Variants in FBXL8 observed in about 807,000 individuals in gnomAD.
FBXL8 encodes F-box/LRR-repeat protein 8.
A neutral mutation model predicts 8.2 loss-of-function variants in FBXL8; 13 were observed. The ratio of observed to expected loss-of-function variants is 1.58; its 90% CI spans 1.03 to 2.51. FBXL8 has a LOEUF of 2.51. FBXL8 is among the 30% of genes most tolerant of loss of function. The pLI, the probability that FBXL8 is intolerant of heterozygous loss-of-function variation, is 0.00. For synonymous variants in FBXL8, 271 were observed against 260.5 expected (o/e 1.04, Z -0.39); for missense variants, 565 against 540.4 (o/e 1.05, Z -0.45).
rs150449492 is a variant in FBXL8 at position 67,161,843 on chromosome 16, C to T, written c.58C>T (p.Leu20=). 23 of 1,610,818 alleles carry T rather than the reference C, an allele frequency of 1.4e-5. No homozygotes were observed. The highest frequency in any genetic ancestry group is 1.8e-5 in the Non-Finnish European group (21 of 1,178,890). Residue 20 remains leucine, a synonymous_variant, in exon 2 of 3, where the codon CTG becomes TTG. Transcript: ENST00000258200. ...GGTGCTGGCACTCATCTTCCGCCAC[C>T]TGTCCCTGAGAGACCGTGCTGCCGC... is the stretch of plus-strand genomic sequence containing the variant. ...EEVLALIFRH[L]SLRDRAAAAR...
rs546108799 is a variant in FBXL8, at chr16:67,161,690, A to G, written c.-51-45A>G. 18 of 1,417,594 alleles carry G rather than the reference A, an allele frequency of 1.3e-5. No homozygotes were observed. The South Asian group carries it at 1.3e-4, about 11-fold the overall frequency. 87.8% of individuals were successfully genotyped at this position (1,417,594 alleles called of 1,614,324 possible). The stretch of plus-strand genomic sequence containing the variant: ...TACACCTAAGCTCGGTCTTCCTGCA[A>G]CACTTTGCGCCTTCCCGACCTCAGA... On this transcript the variant is annotated intron_variant, in intron 1 of 2. Transcript: ENST00000258200.
rs2031035784 is a variant in FBXL8, at chr16:67,163,750, C to T, written c.1055C>T (p.Pro352Leu). The change falls in exon 3 of 3, where the codon CCG becomes CTG. Residue 352 changes from proline (P) to leucine (L), a missense_variant. Coordinates refer to ENST00000258200, the MANE Select transcript of FBXL8 (RefSeq NM_018378.3). ...CTGGACGCCTTCCGCGCGCACTGCC[C>T]GCGCCTGCGCACCTATACCCTCAAG... ...SVLDAFRAHCPRLRTYTLKLT... is the reference protein window; with the variant it reads ...SVLDAFRAHCLRLRTYTLKLT... 1 of 1,593,562 alleles carries T rather than the reference C, an allele frequency of 6.3e-7. No homozygotes were observed. The highest frequency in any genetic ancestry group is 8.5e-7 in the Non-Finnish European group (1 of 1,177,648).
Position 67,163,024 on chromosome 16 carries a change from G to A in FBXL8, c.329G>A (p.Cys110Tyr). 6.4e-7 allele frequency: 1 copy of A among 1,558,214 alleles called. No homozygotes were observed. The highest frequency in any genetic ancestry group is 8.7e-7 in the Non-Finnish European group (1 of 1,150,982). Residue 110 changes from cysteine (C) to tyrosine (Y), a missense_variant, in exon 3 of 3, where the codon TGC becomes TAC. Coordinates refer to ENST00000258200, the MANE Select transcript of FBXL8 (RefSeq NM_018378.3). ...GGGCTGCGAGGCCTGCGCCTGGAGT[G>A]CCGCGGAGAAAAACCGCTCTTCGAC... is the stretch of plus-strand genomic sequence containing the variant. ...APGLRGLRLE[C>Y]RGEKPLFDAG...
At position 67,164,105 on chromosome 16, in the gene FBXL8, C is replaced by A. The variant is rs1458161036; in HGVS notation, c.*285C>A. On this transcript the variant is annotated 3_prime_UTR_variant, in exon 3 of 3. Transcript: ENST00000258200. ...ACTCTGCAGCTCCGCGGCCCCGGCG[C>A]AGGGAGAGGGAGGGCACGGGCGCGG... 4 of 681,166 alleles carry A rather than the reference C, an allele frequency of 5.9e-6. No homozygotes were observed. Among genetic ancestry groups the A allele is most frequent in the Non-Finnish European group, 1.1e-5 (4 of 373,540 alleles). The allele number at this position is 681,166 out of a possible 1,614,324, so 42.2% of individuals were successfully genotyped here.
rs1212349654 is a variant in FBXL8, at chr16:67,163,416, G to T, written c.721G>T (p.Ala241Ser). The T allele has an allele frequency of 1.3e-6, 2 of 1,537,010 alleles. No homozygotes were observed. The highest frequency in any genetic ancestry group is 1.4e-5 in the African/African-American group (1 of 72,890). Residue 241 changes from alanine (A) to serine (S), a missense_variant, in exon 3 of 3, where the codon GCC (alanine) becomes TCC (serine). Transcript: ENST00000258200. The stretch of plus-strand genomic sequence containing the variant: ...ACGCGCGTCCCCGCTGCCCAACGAA[G>T]CCTGGGTCGCGTTGCGCCGCCGCCA... ...DARASPLPNEAWVALRRRHPG... is the reference protein window; with the variant it reads ...DARASPLPNESWVALRRRHPG...
Position 67,164,095 on chromosome 16 carries a change from G to A in FBXL8, c.*275G>A, listed in dbSNP as rs1282851246. 2.9e-6 allele frequency: 2 copies of A among 685,624 alleles called. No homozygotes were observed. The highest frequency in any genetic ancestry group is 3.5e-5 in the African/African-American group (2 of 56,784). 42.5% of individuals were successfully genotyped at this position (685,624 alleles called of 1,614,324 possible). On this transcript the variant is annotated 3_prime_UTR_variant, in exon 3 of 3. Coordinates refer to ENST00000258200, the MANE Select transcript of FBXL8 (RefSeq NM_018378.3). ...CCCTCTGCGGACTCTGCAGCTCCGC[G>A]GCCCCGGCGCAGGGAGAGGGAGGGC...
rs1387976019 is a variant in FBXL8 at position 67,163,420 on chromosome 16, G to A, written c.725G>A (p.Trp242Ter). ...ARASPLPNEA[W>*]VALRRRHPGL... Reference sequence around the variant, plus strand: ...GCGTCCCCGCTGCCCAACGAAGCCTGGGTCGCGTTGCGCCGCCGCCACCCT... The same window carrying A: ...GCGTCCCCGCTGCCCAACGAAGCCTAGGTCGCGTTGCGCCGCCGCCACCCT... Residue 242 changes from tryptophan to a stop codon, truncating the protein, a stop_gained, in exon 3 of 3, where the codon TGG becomes TAG. Transcript: ENST00000258200. LOFTEE classifies it low-confidence loss of function (END_TRUNC). The A allele has an allele frequency of 1.3e-6, 2 of 1,536,704 alleles. No homozygotes were observed. The highest frequency in any genetic ancestry group is 2.4e-5 in the East Asian group (1 of 40,864).
In FBXL8 at chr16:67,163,968, G is replaced by A; in HGVS notation, c.*148G>A. 1 of 1,261,652 alleles carries A rather than the reference G, an allele frequency of 7.9e-7. No individual in the cohort carries two copies. Among genetic ancestry groups the A allele is most frequent in the East Asian group, 2.5e-5 (1 of 39,650 alleles). The allele number at this position is 1,261,652 out of a possible 1,614,324, so 78.2% of individuals were successfully genotyped here. ...CCGAGTTGGGAACTGTGATGGCATC[G>A]GGACCAGTCCTGGGCGCCCTGAGAC... On this transcript the variant is annotated 3_prime_UTR_variant, in exon 3 of 3. Transcript: ENST00000258200.
At position 67,163,662 on chromosome 16, in the gene FBXL8, C is replaced by A; in HGVS notation, c.967C>A (p.Leu323Met). Reference sequence around the variant, plus strand: ...CGAGCTGAACGCCGCGCTGGAGGAGCTGGCGGCGCGCTGCGCGGCCCTGCG... The same window carrying A: ...CGAGCTGAACGCCGCGCTGGAGGAGATGGCGGCGCGCTGCGCGGCCCTGCG... ...SAELNAALEELAARCAALREV... is the reference protein window; with the variant it reads ...SAELNAALEEMAARCAALREV... Residue 323 changes from leucine (L) to methionine (M), a missense_variant, in exon 3 of 3, where the codon CTG becomes ATG. Coordinates refer to ENST00000258200, the MANE Select transcript of FBXL8 (RefSeq NM_018378.3). 1.1e-5 allele frequency: 18 copies of A among 1,573,152 alleles called. No homozygotes were observed. Among genetic ancestry groups the A allele is most frequent in the Non-Finnish European group, 1.5e-5 (18 of 1,167,830 alleles).
At chr16:67,161,368 G>T (rs1460274594) in intron 1 of FBXL8, 1 of 164,932 alleles carries the variant, frequency 6.1e-6, no homozygotes, top group Non-Finnish European at 1.3e-5. Context: ...GCTTGAGCCC[G>T]GGAGACTGAG....
At chr16:67,161,568 G>C in intron 1 of FBXL8, 167 bp from the exon 2 acceptor site, 1 of 478,112 alleles carries the variant, frequency 2.1e-6, no homozygotes, top group Non-Finnish European at 3.6e-6. Context: ...GATTTAGTAG[G>C]TGAGGCGGTG....
chr16:67,162,835 G>T lies in FBXL8; in HGVS notation c.153-13G>T, dbSNP rs1194778753. On this transcript the variant is annotated splice_polypyrimidine_tract_variant and intron_variant, in intron 2 of 2. Coordinates refer to ENST00000258200, the MANE Select transcript of FBXL8 (RefSeq NM_018378.3). ...ACTCAGCTGAGGCCTTTTCTGCACG[G>T]CTCTAACCCAAGTTGCGAATGTGAG... 6.4e-7 allele frequency: 1 copy of T among 1,550,626 alleles called. No individual in the cohort carries two copies. The highest frequency in any genetic ancestry group is 8.7e-7 in the Non-Finnish European group (1 of 1,146,946).
Position 67,163,001 on chromosome 16 carries a change from G to GCTGCGAGGA in FBXL8, c.314_315insACTGCGAGG (p.Gly105_Arg107dup). The stretch of plus-strand genomic sequence containing the variant: ...TGGTTCTGGCGGGCCGTGCCCCGGG[G>GCTGCGAGGA]CTGCGAGGCCTGCGCCTGGAGTGCC... On this transcript the variant is annotated inframe_insertion, in exon 3 of 3. Transcript: ENST00000258200. 6.4e-7 allele frequency: 1 copy of GCTGCGAGGA among 1,555,602 alleles called. No individual in the cohort carries two copies. The highest frequency in any genetic ancestry group is 8.7e-7 in the Non-Finnish European group (1 of 1,149,774).
chr16:67,162,010 T>C, intron 2 of FBXL8, 73 bp downstream of exon 2: 1 of 1,455,818 alleles, frequency 6.9e-7, no homozygotes, highest in Non-Finnish European at 9.1e-7. Flanking sequence ...GCTAGGTAGA[T>C]ATTCAGGTTG....
At chr16:67,162,086 T>A (rs1420140658) in intron 2 of FBXL8, 149 bp downstream of exon 2, 1 of 1,122,832 alleles carries the variant, frequency 8.9e-7, no homozygotes, top group South Asian at 1.8e-5. Flanking sequence ...TCCCAGCACT[T>A]TGGCAGGCCG....
At chr16:67,162,101 G>A in intron 2 of FBXL8, 164 bp downstream of exon 2, 6 of 921,550 alleles carry the variant, frequency 6.5e-6, no homozygotes, top group Non-Finnish European at 9.2e-6. Context: ...AGGCCGAGGC[G>A]GGTGGATCAC....
rs955544836 is a variant in FBXL8 at position 67,163,441 on chromosome 16, A to C, written c.746A>C (p.His249Pro). 1.3e-6 allele frequency: 2 copies of C among 1,535,670 alleles called. No individual in the cohort carries two copies. The highest frequency in any genetic ancestry group is 2.8e-5 in the African/African-American group (2 of 72,708). ...NEAWVALRRR[H>P]PGLAVELELE... Reference sequence around the variant, plus strand: ...GCCTGGGTCGCGTTGCGCCGCCGCCACCCTGGGCTGGCAGTGGAGCTGGAG... The same window carrying C: ...GCCTGGGTCGCGTTGCGCCGCCGCCCCCCTGGGCTGGCAGTGGAGCTGGAG... Residue 249 changes from histidine (H) to proline (P), a missense_variant, in exon 3 of 3, where the codon CAC becomes CCC. Physicochemically the swap from His to Pro is moderately conservative, Grantham distance 77 (BLOSUM62 -2). Transcript: ENST00000258200.
chr16:67,161,445 A>G (rs1597232502), intron 1 of FBXL8, among the ~76,000 whole-genome samples: 2 of 147,410 alleles, frequency 1.4e-5, no homozygotes, highest in East Asian at 1.9e-4. Context: ...CTGTCTCAAA[A>G]AAAAAGAAAA....
Position 67,163,354 on chromosome 16 carries a change from C to T in FBXL8, c.659C>T (p.Ala220Val), listed in dbSNP as rs371397565. ...ALAAPDRAPF[A>V]LLALRCACPE... ...GCGGCGCCAGACCGAGCGCCTTTCGCGCTCTTGGCTCTGCGGTGCGCGTGC... is the reference window on the plus strand; with the variant it reads ...GCGGCGCCAGACCGAGCGCCTTTCGTGCTCTTGGCTCTGCGGTGCGCGTGC... The change falls in exon 3 of 3, where the codon GCG (alanine) becomes GTG (valine). Residue 220 changes from alanine to valine, a missense_variant. By Grantham distance (64) the Ala-to-Val change is moderately conservative (BLOSUM62 0). Transcript: ENST00000258200. The T allele has an allele frequency of 5.2e-6, 8 of 1,553,262 alleles. No individual in the cohort carries two copies. The African/African-American group carries it at 5.4e-5, about 11-fold the overall frequency.
Sources: allele counts gnomAD v4.1 joint callset (sites outside exome capture counted in the v4.1 genomes callset), GRCh38; gene constraint gnomAD v4.1.1; transcripts MANE v1.5; gene names NCBI Gene and HGNC (gene_info 2026-07-23, HGNC 2026-07-21).